Variants in RXFP2 observed in about 807,000 individuals in gnomAD.
RXFP2 encodes the protein relaxin family peptide receptor 2, also known as relaxin receptor 2.
RXFP2 carries 68 observed loss-of-function variants against 88.6 expected under a neutral mutation model. That is an observed-to-expected ratio of 0.77 (90% CI 0.63 to 0.94). The LOEUF (loss-of-function observed/expected upper bound fraction) is 0.94, where lower values mean the gene tolerates loss of function less well. RXFP2 is among the 40% of genes least tolerant of loss of function. The pLI, the probability that RXFP2 is intolerant of heterozygous loss-of-function variation, is 0.00. For synonymous variants in RXFP2, 329 were observed against 306.8 expected (o/e 1.07, Z -0.76); for missense variants, 791 against 893.9 (o/e 0.88, Z 1.47).
intron 3 of RXFP2, among the ~76,000 whole-genome samples, chr13:31,764,148 C>A (rs1373450219): frequency 2.0e-5 from 3 of 151,992 alleles, no homozygotes; most frequent in Non-Finnish European, 4.4e-5. Flanking sequence ...TACAAATATT[C>A]ATAGGCTCAG....
intron 7 of RXFP2, among the ~76,000 whole-genome samples, chr13:31,776,786 G>A (rs539162786): frequency 3.9e-5 from 6 of 152,124 alleles, no homozygotes; most frequent in African/African-American, 9.6e-5. Flanking sequence ...GCAACAAGAG[G>A]AATAGAGGCC....
intron 3 of RXFP2, among the ~76,000 whole-genome samples, chr13:31,763,440 G>A (rs1329860618): frequency 6.6e-6 from 1 of 152,172 alleles, no homozygotes; most frequent in Non-Finnish European, 1.5e-5. Context: ...CTGGCATCTA[G>A]TGGGTAGAGG....
At chr13:31,794,070 T>G (rs1217646718) in intron 16 of RXFP2, among the ~76,000 whole-genome samples, 2 of 152,180 alleles carry the variant, frequency 1.3e-5, no homozygotes, top group Non-Finnish European at 2.9e-5. Context: ...GGCTCCCTAG[T>G]ACTATCAAGG....
chr13:31,761,936 G>A, intron 3 of RXFP2, 135 bp downstream of exon 3: 1 of 629,316 alleles, frequency 1.6e-6, no homozygotes, highest in Non-Finnish European at 2.9e-6. Context: ...TGGCTAACAG[G>A]TCTGCTGTCT....
At position 31,782,756 on chromosome 13, in the gene RXFP2, C is replaced by T; in HGVS notation, c.929+9C>T. The T allele has an allele frequency of 6.6e-7, 1 of 1,510,412 alleles. No individual in the cohort carries two copies. Among genetic ancestry groups the T allele is most frequent in the Non-Finnish European group, 9.2e-7 (1 of 1,085,900 alleles). The allele number at this position is 1,510,412 out of a possible 1,614,324, so 93.6% of individuals were successfully genotyped here. On this transcript the variant is annotated intron_variant, in intron 11 of 17. Transcript: ENST00000298386. ...AAAAATTTAGGAGAACTGTAAGTAG[C>T]ATCGTCTACTAGGAAAATATGATTG...
chr13:31,793,188 C>A, intron 16 of RXFP2, 100 bp downstream of exon 16: 1 of 1,102,738 alleles, frequency 9.1e-7, no homozygotes. Flanking sequence ...AGTGAGATAA[C>A]ATAGTCAAGA....
intron 1 of RXFP2, among the ~76,000 whole-genome samples, chr13:31,741,849 G>C (rs1344573930): frequency 6.6e-6 from 1 of 152,042 alleles, no homozygotes; most frequent in Non-Finnish European, 1.5e-5. Flanking sequence ...TCAAAAACAT[G>C]GGCTTATGTA....
intron 17 of RXFP2, 82 bp from the exon 18 acceptor site, chr13:31,802,064 A>G (rs1874370728): frequency 7.2e-7 from 1 of 1,385,954 alleles, no homozygotes; most frequent in Non-Finnish European, 1.0e-6. Flanking sequence ...TCTCATAAAT[A>G]GCATTGACTG....
At chr13:31,749,473 A>G (rs1871569761) in intron 1 of RXFP2, among the ~76,000 whole-genome samples, 1 of 152,180 alleles carries the variant, frequency 6.6e-6, no homozygotes, top group African/African-American at 2.4e-5. Context: ...TCCTACACAC[A>G]TACTCCTGGG....
chr13:31,757,274 G>T (rs1478287997), intron 1 of RXFP2, among the ~76,000 whole-genome samples: 1 of 152,066 alleles, frequency 6.6e-6, no homozygotes, highest in East Asian at 1.9e-4. Flanking sequence ...GGGCCTATGG[G>T]GTCAGAGGGA....
intron 1 of RXFP2, among the ~76,000 whole-genome samples, chr13:31,752,003 A>T (rs1466041439): frequency 1.3e-5 from 2 of 152,192 alleles, no homozygotes; most frequent in Non-Finnish European, 2.9e-5. Flanking sequence ...TTTGGAAGAG[A>T]AGTCTTCCTT....
chr13:31,741,920 G>A (rs533121337), intron 1 of RXFP2, among the ~76,000 whole-genome samples: 56 of 151,074 alleles, frequency 3.7e-4, no homozygotes, highest in Non-Finnish European at 6.2e-4. Context: ...GTGTTTTGTG[G>A]AATTTCAACC....
chr13:31,779,689 G>A (rs1211645021), intron 9 of RXFP2, among the ~76,000 whole-genome samples: 3 of 152,084 alleles, frequency 2.0e-5, no homozygotes, highest in Admixed American at 6.6e-5. Flanking sequence ...AAATGCTGAT[G>A]GTAGCGCTGC....
chr13:31,769,502 T>C (rs1872660753), intron 5 of RXFP2, among the ~76,000 whole-genome samples: 1 of 152,234 alleles, frequency 6.6e-6, no homozygotes, highest in African/African-American at 2.4e-5. Context: ...CTGTTCTTCA[T>C]TCTAGTCACA....
chr13:31,755,637 A>G (rs1414201595), intron 1 of RXFP2, among the ~76,000 whole-genome samples: 3 of 152,238 alleles, frequency 2.0e-5, no homozygotes, highest in Admixed American at 6.5e-5. Context: ...TGACTCCTAT[A>G]GAAATCTTTA....
At chr13:31,795,888 C>A (rs533452596) in intron 16 of RXFP2, among the ~76,000 whole-genome samples, 1 of 151,122 alleles carries the variant, frequency 6.6e-6, no homozygotes, top group East Asian at 1.9e-4. Context: ...TATATTTGGG[C>A]CCAAAAGAAT....
chr13:31,763,660 A>C (rs1872407154), intron 3 of RXFP2, among the ~76,000 whole-genome samples: 1 of 152,180 alleles, frequency 6.6e-6, no homozygotes, highest in African/African-American at 2.4e-5. Context: ...AAAAGAATCC[A>C]CAAAATCATG....
At chr13:31,759,565 C>G (rs1035859554) in intron 2 of RXFP2, among the ~76,000 whole-genome samples, 37 of 151,918 alleles carry the variant, frequency 2.4e-4, no homozygotes, top group Non-Finnish European at 1.5e-5. Flanking sequence ...GCAGAGTGAA[C>G]AGGGGTATAC....
intron 13 of RXFP2, among the ~76,000 whole-genome samples, chr13:31,788,813 TTAA>T (rs1396206952): frequency 2.0e-5 from 3 of 152,286 alleles, no homozygotes; most frequent in Admixed American, 1.3e-4. Context: ...ATTACTTATA[TTAA>T]TAAAATCAAA....
Sources: gnomAD v4.1 joint callset for allele counts (sites outside exome capture counted in the v4.1 genomes callset) on GRCh38, gnomAD v4.1.1 for gene constraint, MANE v1.5 for transcripts, NCBI Gene and HGNC (gene_info 2026-07-23, HGNC 2026-07-21) for gene names.